The following HPS4 variants were observed in gnomAD, a reference collection of about 807,000 sequenced individuals.
HPS4 encodes the protein HPS4 biogenesis of lysosomal organelles complex 3 subunit 2, also known as BLOC-3 complex member HPS4.
HPS4 carries 44 observed loss-of-function variants against 70.3 expected under a neutral mutation model. The observed-to-expected ratio is 0.63, with a 90% CI of 0.49 to 0.80. The LOEUF (loss-of-function observed/expected upper bound fraction) is 0.80. HPS4 is among the 30% of genes least tolerant of loss of function. HPS4 has a pLI of 0.00. For missense variants in HPS4, 873 were observed against 884.4 expected (o/e 0.99, Z 0.16); for synonymous variants, 377 against 355.9 (o/e 1.06, Z -0.67).
intron 9 of HPS4, 111 bp downstream of exon 9, chr22:26,466,115 C>T: frequency 1.2e-6 from 2 of 1,610,242 alleles, no homozygotes; most frequent in South Asian, 2.2e-5. Context: ...CTATTATGAG[C>T]AGAGGAAATA....
chr22:26,447,545 T>C (rs148045020), downstream of HPS4, among the ~76,000 whole-genome samples: 2 of 152,126 alleles, frequency 1.3e-5, no homozygotes, highest in African/African-American at 4.8e-5. Flanking sequence ...AGGTGCTCCA[T>C]ACACATTGTC....
chr22:26,464,684 C>T lies in HPS4; in HGVS notation c.946G>A (p.Glu316Lys), dbSNP rs202197120. The T allele has an allele frequency of 9.9e-6, 16 of 1,609,920 alleles. No individual in the cohort carries two copies. Among genetic ancestry groups the T allele is most frequent in the African/African-American group, 5.3e-5 (4 of 74,916 alleles). The change falls in exon 11 of 14, where the codon GAA (glutamate) becomes AAA (lysine). Residue 316 changes from glutamate to lysine, a missense_variant. Transcript: ENST00000398145. The stretch of plus-strand genomic sequence containing the variant: ...TCCTTCCTGCCATCTGGACAAGCTT[C>T]GTCAGGGGATGTGGGATCTGGGGTG... ...WTTPDPTSPD[E>K]ACPDGRKENG...
At chr22:26,465,944 T>C in intron 9 of HPS4, 4 of 971,682 alleles carry the variant, frequency 4.1e-6, no homozygotes, top group Non-Finnish European at 6.2e-6. Context: ...TGCCTTACCC[T>C]CTCCCAATCA....
At chr22:26,471,357 T>C (rs985426916) in intron 6 of HPS4, 18 of 456,154 alleles carry the variant, frequency 3.9e-5, no homozygotes, top group African/African-American at 1.0e-4. Context: ...CAGTTCCACA[T>C]TCCTTGTATG....
At position 26,452,114 on chromosome 22, in the gene HPS4, CTATTT is replaced by C. The variant is rs1433113129; in HGVS notation, c.*1114_*1118del. On this transcript the variant is annotated 3_prime_UTR_variant, in exon 14 of 14. Transcript: ENST00000398145. The stretch of plus-strand genomic sequence containing the variant: ...TACTCAGAACTCCAGCATTTTTTGG[CTATTT>C]TATTTCTAGCCCTTGGAAGCTTGTT... 1 of 340,066 alleles carries C rather than the reference CTATTT, an allele frequency of 2.9e-6. No homozygotes were observed. Among genetic ancestry groups the C allele is most frequent in the African/African-American group, 2.2e-5 (1 of 46,252 alleles). 21.1% of individuals were successfully genotyped at this position (340,066 alleles called of 1,614,324 possible).
At chr22:26,471,073 C>G in intron 6 of HPS4, 3 of 609,138 alleles carry the variant, frequency 4.9e-6, no homozygotes, top group Non-Finnish European at 8.7e-6. Flanking sequence ...GCAAATATGG[C>G]ATATGGCTAT....
chr22:26,481,097 T>G (rs2091241048), intron 2 of HPS4, among the ~76,000 whole-genome samples: 1 of 151,964 alleles, frequency 6.6e-6, no homozygotes, highest in African/African-American at 2.4e-5. Context: ...TGTCCCCACG[T>G]TCTCTTGATG....
chr22:26,479,674 C>A lies in HPS4; in HGVS notation c.42-319G>T, dbSNP rs1352493216. 5 of 1,197,644 alleles carry A rather than the reference C, an allele frequency of 4.2e-6. No homozygotes were observed. The African/African-American group carries it at 6.3e-5, about 15-fold the overall frequency. The allele number at this position is 1,197,644 out of a possible 1,614,324, so 74.2% of individuals were successfully genotyped here. ...ACACTGAACCTTAACTATACAACCA[C>A]ATGGTCTGATACGCTGTCTTTTAAG... On this transcript the variant is annotated intron_variant, in intron 2 of 13. Coordinates refer to ENST00000398145, the MANE Select transcript of HPS4 (RefSeq NM_022081.6).
downstream of HPS4, among the ~76,000 whole-genome samples, chr22:26,448,098 C>T (rs1049733419): frequency 2.0e-5 from 3 of 152,206 alleles, no homozygotes; most frequent in African/African-American, 7.2e-5. Context: ...GCTCGCAGCA[C>T]AGCGCATCTT....
At chr22:26,483,856 C>T (rs753668169), upstream of HPS4, 5 of 1,323,650 alleles carry the variant, frequency 3.8e-6, no homozygotes, top group East Asian at 3.1e-5. Context: ...CGATGACGTG[C>T]CGAGTGCGCC....
At chr22:26,453,477 A>G in intron 13 of HPS4, 73 bp from the exon 14 acceptor site, 1 of 1,542,040 alleles carries the variant, frequency 6.5e-7, no homozygotes, top group Non-Finnish European at 9.0e-7. Flanking sequence ...AGACCTCAGT[A>G]AGGTTCTTGT....
intron 13 of HPS4, among the ~76,000 whole-genome samples, chr22:26,454,596 A>G (rs1246560542): frequency 1.3e-5 from 2 of 152,242 alleles, no homozygotes; most frequent in Non-Finnish European, 2.9e-5. Context: ...TGGATTAAAG[A>G]CTTACATGTT....
At chr22:26,454,317 C>G (rs1288722772) in intron 13 of HPS4, among the ~76,000 whole-genome samples, 1 of 152,252 alleles carries the variant, frequency 6.6e-6, no homozygotes, top group Non-Finnish European at 1.5e-5. Context: ...TGGAGTCACA[C>G]ACACTCAGGT....
At chr22:26,483,256 G>A (rs1433093780) in intron 1 of HPS4, among the ~76,000 whole-genome samples, 1 of 152,142 alleles carries the variant, frequency 6.6e-6, no homozygotes, top group Admixed American at 6.5e-5. Context: ...CCAGAGGACT[G>A]GGCCCTACAC....
At chr22:26,453,874 G>C (rs907486790) in intron 13 of HPS4, 3 of 242,342 alleles carry the variant, frequency 1.2e-5, no homozygotes, top group Non-Finnish European at 2.5e-5. Flanking sequence ...GGCAGTGTCC[G>C]AGAAAGGAGT....
chr22:26,457,578 G>A lies in HPS4; in HGVS notation c.1955+281C>T, dbSNP rs113404539. 8.9e-4 allele frequency among the ~76,000 whole-genome samples: 136 copies of A among 152,244 alleles called. 1 individual carries two copies. The highest frequency in any genetic ancestry group is 3.0e-3 in the African/African-American group (123 of 41,552). ...TTTCTAGCAAGGAGACGGAGCCACC[G>A]TCCCTAGTAATGGATGTAGCTCCAT... On this transcript the variant is annotated intron_variant, in intron 13 of 13. Coordinates refer to ENST00000398145, the MANE Select transcript of HPS4 (RefSeq NM_022081.6).
At chr22:26,471,037 G>A (rs2089721376) in intron 6 of HPS4, 2 of 830,716 alleles carry the variant, frequency 2.4e-6, no homozygotes, top group South Asian at 3.2e-5. Flanking sequence ...AGAACAAGGA[G>A]GCCTGTCCAG....
At chr22:26,470,463 G>A (rs542993968) in intron 7 of HPS4, among the ~76,000 whole-genome samples, 14 of 152,324 alleles carry the variant, frequency 9.2e-5, no homozygotes, top group African/African-American at 3.4e-4. Context: ...ATTCCAGCAT[G>A]CCCCATACTG....
rs1326522974 is a variant in HPS4, at chr22:26,451,016, G to A, written c.*2217C>T. On this transcript the variant is annotated 3_prime_UTR_variant, in exon 14 of 14. Coordinates refer to ENST00000398145, the MANE Select transcript of HPS4 (RefSeq NM_022081.6). ...GTGGCAGATGGCTGGCACAGAGGAA[G>A]CCAAAACAGAGGCTTTTCTGCCCTG... is the stretch of plus-strand genomic sequence containing the variant. Among the ~76,000 whole-genome samples, 11 of 152,228 alleles carry A rather than the reference G, an allele frequency of 7.2e-5. No individual in the cohort carries two copies. In the East Asian group the frequency reaches 2.1e-3, roughly 29 times the overall value.
Sources: allele counts gnomAD v4.1 joint callset (sites outside exome capture counted in the v4.1 genomes callset), GRCh38; gene constraint gnomAD v4.1.1; transcripts MANE v1.5; gene names NCBI Gene and HGNC (gene_info 2026-07-23, HGNC 2026-07-21).